Variants in IGHMBP2 observed in about 807,000 individuals in gnomAD.
The protein encoded by IGHMBP2 is immunoglobulin mu DNA binding protein 2, also known as DNA-binding protein SMUBP-2.
In IGHMBP2, 81 loss-of-function variants were observed where a neutral mutation model predicts 96.0. The observed-to-expected ratio is 0.84, with a 90% CI of 0.71 to 1.01. IGHMBP2 has a LOEUF of 1.01. Ranked by LOEUF, IGHMBP2 falls within the 50% of genes least tolerant of loss-of-function variation. The pLI is 0.00. For missense variants in IGHMBP2, 1,227 were observed against 1,306.3 expected, an observed-to-expected ratio of 0.94 and a Z score of 0.94; for synonymous variants, 557 against 548.9, an observed-to-expected ratio of 1.01 and a Z score of -0.21.
intron 6 of IGHMBP2, 102 bp downstream of exon 6, chr11:68,915,125 C>T: frequency 1.4e-6 from 1 of 708,676 alleles, no homozygotes; most frequent in Admixed American, 2.3e-5. Flanking sequence ...CCTTCTCTTG[C>T]TTCTGTCGAT....
chr11:68,916,975 CT>C lies in IGHMBP2; in HGVS notation c.913-735del, dbSNP rs11418103. On this transcript the variant is annotated intron_variant, in intron 6 of 14. Transcript: ENST00000255078. ...AATCACAAATAAGGAAAGGTTACAT[CT>C]TTTTTTTTTTTTTTTTTTTTTTTTT... Among the ~76,000 whole-genome samples the C allele has an allele frequency of 7.5e-3, 770 of 103,312 alleles. 9 individuals carry two copies. Among genetic ancestry groups the C allele is most frequent in the African/African-American group, 0.031 (714 of 23,310 alleles). The allele number at this position is 103,312 out of a possible 152,430, so 67.8% of individuals were successfully genotyped here.
rs1480529038 is a variant in IGHMBP2, at chr11:68,936,370, C to A, written c.1890C>A (p.Phe630Leu). The A allele has an allele frequency of 6.2e-7, 1 of 1,614,094 alleles. No homozygotes were observed. Among genetic ancestry groups the A allele is most frequent in the East Asian group, 2.2e-5 (1 of 44,896 alleles). Reference protein sequence around the residue: ...HAFLKTLVEYFTQHGEVRTAF... With the variant: ...HAFLKTLVEYLTQHGEVRTAF... ...TTTTGAAGACCCTGGTGGAGTATTT[C>A]ACACAGCATGGGGAAGTACGCACGG... Residue 630 changes from phenylalanine (F) to leucine (L), a missense_variant, in exon 13 of 15, where the codon TTC (phenylalanine) becomes TTA (leucine). Phe to Leu is a conservative substitution (Grantham distance 22). Coordinates refer to ENST00000255078, the MANE Select transcript of IGHMBP2 (RefSeq NM_002180.3).
At position 68,936,668 on chromosome 11, in the gene IGHMBP2, C is replaced by G; in HGVS notation, c.2188C>G (p.Arg730Gly). The G allele has an allele frequency of 6.2e-7, 1 of 1,613,984 alleles. No homozygotes were observed. The highest frequency in any genetic ancestry group is 8.5e-7 in the Non-Finnish European group (1 of 1,180,006). Residue 730 changes from arginine to glycine, a missense_variant, in exon 13 of 15, where the codon CGG becomes GGG. Transcript: ENST00000255078. ...VESQDGVDHF[R>G]AMIVEFMASK... ...GAGCCAAGATGGCGTGGACCACTTC[C>G]GGGCCATGATAGTGGAGTTCATGGC...
At position 68,914,822 on chromosome 11, in the gene IGHMBP2, G is replaced by A; in HGVS notation, c.712-1G>A. ...ACCAGATCCTAACTTGCGGTTCCCA[G>A]GTTCTGTGCTGCGCCCCCTCCAACA... On this transcript the variant is annotated splice_acceptor_variant, in intron 5 of 14. Coordinates refer to ENST00000255078, the MANE Select transcript of IGHMBP2 (RefSeq NM_002180.3). LOFTEE classifies it high-confidence loss of function. 6.2e-7 allele frequency: 1 copy of A among 1,614,252 alleles called. No homozygotes were observed. The highest frequency in any genetic ancestry group is 1.3e-5 in the African/African-American group (1 of 75,072).
Position 68,939,968 on chromosome 11 carries a change from A to C in IGHMBP2, c.*237A>C. The C allele has an allele frequency of 1.8e-6, 1 of 566,926 alleles. No homozygotes were observed. The highest frequency in any genetic ancestry group is 2.2e-5 in the South Asian group (1 of 45,484). The allele number at this position is 566,926 out of a possible 1,614,324, so 35.1% of individuals were successfully genotyped here. On this transcript the variant is annotated 3_prime_UTR_variant, in exon 15 of 15. Transcript: ENST00000255078. ...TGCTCGTGCAGGTGGGGCTTGGGAAATGCACGTCCCTTCCCCTTACTCCCC... is the reference window on the plus strand; with the variant it reads ...TGCTCGTGCAGGTGGGGCTTGGGAACTGCACGTCCCTTCCCCTTACTCCCC...
chr11:68,918,607 A>G (rs1229391408), intron 7 of IGHMBP2, among the ~76,000 whole-genome samples: 2 of 152,120 alleles, frequency 1.3e-5, no homozygotes, highest in Admixed American at 1.3e-4. Context: ...GCGCCACTGC[A>G]CTCCAGCCTG....
chr11:68,936,053 C>T lies in IGHMBP2; in HGVS notation c.1757-184C>T, dbSNP rs75846341. On this transcript the variant is annotated intron_variant, in intron 12 of 14. Transcript: ENST00000255078. Reference sequence around the variant, plus strand: ...TTCCCCAGAGCCCCACTCAGTCAGCCGTGGCAGCCAGATGCCAGGGCAGGT... The same window carrying T: ...TTCCCCAGAGCCCCACTCAGTCAGCTGTGGCAGCCAGATGCCAGGGCAGGT... 5.8e-4 allele frequency among the ~76,000 whole-genome samples: 89 copies of T among 152,330 alleles called. 1 individual carries two copies. In the East Asian group the frequency reaches 0.014, roughly 24 times the overall value.
chr11:68,928,977 T>G (rs1859170486), intron 7 of IGHMBP2, among the ~76,000 whole-genome samples: 2 of 152,204 alleles, frequency 1.3e-5, no homozygotes, highest in Non-Finnish European at 2.9e-5. Flanking sequence ...GTGGCCAGAG[T>G]ACCCACTGCT....
chr11:68,935,683 T>A, intron 12 of IGHMBP2, among the ~76,000 whole-genome samples: 1 of 152,288 alleles, frequency 6.6e-6, no homozygotes, highest in South Asian at 2.1e-4. Flanking sequence ...GATCAGGACA[T>A]CCTGCCGAGG....
At chr11:68,935,149 C>T (rs529500365) in intron 11 of IGHMBP2, 150 bp from the exon 12 acceptor site, 158 of 986,940 alleles carry the variant, frequency 1.6e-4, no homozygotes, top group Admixed American at 2.8e-4. Context: ...GGAGGGCGAA[C>T]GGGAAGCCTT....
Position 68,929,370 on chromosome 11 carries a change from T to C in IGHMBP2, c.1235+13T>C. On this transcript the variant is annotated intron_variant, in intron 8 of 14. Transcript: ENST00000255078. ...CAGTCTCTCACAAGTAAGACCCCTT[T>C]GCCTCACATGCCCTTCTCTGCCCCC... The C allele has an allele frequency of 6.2e-7, 1 of 1,610,704 alleles. No homozygotes were observed. The highest frequency in any genetic ancestry group is 8.5e-7 in the Non-Finnish European group (1 of 1,178,490).
chr11:68,918,704 C>T (rs1450548227), intron 7 of IGHMBP2, among the ~76,000 whole-genome samples: 1 of 152,112 alleles, frequency 6.6e-6, no homozygotes, highest in Non-Finnish European at 1.5e-5. Context: ...CAGGGTCTCA[C>T]TATGTTGCCC....
At chr11:68,933,754 C>A in intron 9 of IGHMBP2, 41 bp from the exon 10 acceptor site, 1 of 1,503,024 alleles carries the variant, frequency 6.7e-7, no homozygotes, top group Non-Finnish European at 9.2e-7. Flanking sequence ...CAGTGCTGCA[C>A]TGTGGCCCCC....
In IGHMBP2 at chr11:68,936,287, C is replaced by G. The variant is rs1465803265; in HGVS notation, c.1807C>G (p.Arg603Gly). Residue 603 changes from arginine to glycine, a missense_variant, in exon 13 of 15, where the codon CGT (arginine) becomes GGT (glycine). Coordinates refer to ENST00000255078, the MANE Select transcript of IGHMBP2 (RefSeq NM_002180.3). Reference sequence around the variant, plus strand: ...CCGGAGGATCAACGTGGCTGTCACCCGTGCCCGACGCCACGTGGCGGTCAT... The same window carrying G: ...CCGGAGGATCAACGTGGCTGTCACCGGTGCCCGACGCCACGTGGCGGTCAT... ...EDRRINVAVT[R>G]ARRHVAVICD... 2 of 1,614,164 alleles carry G rather than the reference C, an allele frequency of 1.2e-6. No individual in the cohort carries two copies. Among genetic ancestry groups the G allele is most frequent in the Non-Finnish European group, 8.5e-7 (1 of 1,179,996 alleles).
Position 68,933,865 on chromosome 11 carries a change from G to C in IGHMBP2, c.1489G>C (p.Gly497Arg). The C allele has an allele frequency of 6.2e-7, 1 of 1,606,228 alleles. No homozygotes were observed. The highest frequency in any genetic ancestry group is 8.5e-7 in the Non-Finnish European group (1 of 1,176,196). ...PLLLVDTAGC[G>R]LFELEEEDEQ... ...GCTCTTGGTGGACACCGCCGGCTGC[G>C]GGCTGTTTGAGCTGGAGGAGGAGGA... is the stretch of plus-strand genomic sequence containing the variant. Residue 497 changes from glycine (G) to arginine (R), a missense_variant, in exon 10 of 15, where the codon GGG (glycine) becomes CGG (arginine). Transcript: ENST00000255078.
Position 68,929,381 on chromosome 11 carries a change from C to G in IGHMBP2, c.1235+24C>G, listed in dbSNP as rs188649861. On this transcript the variant is annotated intron_variant, in intron 8 of 14. Transcript: ENST00000255078. ...AAGTAAGACCCCTTTGCCTCACATG[C>G]CCTTCTCTGCCCCCGCCCTCCTGCG... 9.4e-6 allele frequency: 15 copies of G among 1,601,758 alleles called. No homozygotes were observed. The African/African-American group carries it at 2.0e-4, about 21-fold the overall frequency.
chr11:68,911,218 G>C (rs1294715706), intron 4 of IGHMBP2, among the ~76,000 whole-genome samples: 1 of 152,148 alleles, frequency 6.6e-6, no homozygotes, highest in Non-Finnish European at 1.5e-5. Context: ...CACCAAAACC[G>C]GCAGCTGACT....
At chr11:68,937,943 C>T in intron 13 of IGHMBP2, 1 of 555,044 alleles carries the variant, frequency 1.8e-6, no homozygotes, top group Non-Finnish European at 3.3e-6. Flanking sequence ...AGAGGGAAGA[C>T]ACATGAGCTG....
In IGHMBP2 at chr11:68,915,055, G is replaced by A. The variant is rs796273529; in HGVS notation, c.912+32G>A. The A allele has an allele frequency of 2.1e-5, 33 of 1,576,270 alleles. 1 individual carries two copies. The highest frequency in any genetic ancestry group is 1.5e-4 in the African/African-American group (11 of 74,176). On this transcript the variant is annotated intron_variant, in intron 6 of 14. Transcript: ENST00000255078. ...GTCATGGCCAGTGTCCATGTGGGGCGTGGGCTTCTGATCTGCAGTCTTTTT... is the reference window on the plus strand; with the variant it reads ...GTCATGGCCAGTGTCCATGTGGGGCATGGGCTTCTGATCTGCAGTCTTTTT...
Sources: gnomAD v4.1 joint callset for allele counts (sites outside exome capture counted in the v4.1 genomes callset) on GRCh38, gnomAD v4.1.1 for gene constraint, MANE v1.5 for transcripts, NCBI Gene and HGNC (gene_info 2026-07-23, HGNC 2026-07-21) for gene names.